Variants in SLC16A12 observed in about 807,000 individuals in gnomAD.
SLC16A12 encodes solute carrier family 16 member 12, also known as monocarboxylate transporter 12.
Under a neutral mutation model 42.4 loss-of-function variants are expected in SLC16A12, and 17 were observed. The observed-to-expected ratio is 0.40, with a 90% CI of 0.27 to 0.60. The LOEUF (loss-of-function observed/expected upper bound fraction) is 0.60, where lower values mean the gene tolerates loss of function less well. SLC16A12 is among the 20% of genes least tolerant of loss of function. The pLI, the probability that SLC16A12 is intolerant of heterozygous loss-of-function variation, is 0.42. For missense variants in SLC16A12, 544 were observed against 623.0 expected (o/e 0.87, Z 1.35); for synonymous variants, 224 against 229.4 (o/e 0.98, Z 0.21).
chr10:89,435,822 C>T (rs1293025660), intron 7 of SLC16A12, among the ~76,000 whole-genome samples: 1 of 152,038 alleles, frequency 6.6e-6, no homozygotes. Flanking sequence ...GAATCAAGAC[C>T]CTAATTTGGG....
At chr10:89,543,229 C>G (rs1017157773) in intron 2 of SLC16A12, among the ~76,000 whole-genome samples, 1 of 152,160 alleles carries the variant, frequency 6.6e-6, no homozygotes, top group East Asian at 1.9e-4. Context: ...ACTGGATAAT[C>G]TTTTTGACTT....
At chr10:89,519,842 C>T (rs1031133255) in intron 2 of SLC16A12, among the ~76,000 whole-genome samples, 6 of 152,060 alleles carry the variant, frequency 3.9e-5, no homozygotes, top group African/African-American at 9.7e-5. Context: ...AGGCCGGGTG[C>T]GGTGGCTCAT....
chr10:89,532,521 T>A (rs1336840801), intron 2 of SLC16A12, among the ~76,000 whole-genome samples: 1 of 152,224 alleles, frequency 6.6e-6, no homozygotes, highest in Non-Finnish European at 1.5e-5. Context: ...AATTATTATA[T>A]CATTTCAATG....
rs528501466 is a variant in SLC16A12 at position 89,434,559 on chromosome 10, AC to A, written c.1289-1234del. Among the ~76,000 whole-genome samples the A allele has an allele frequency of 8.2e-3, 1,249 of 152,344 alleles. 8 individuals carry two copies. The highest frequency in any genetic ancestry group is 0.017 in the Middle Eastern group (5 of 294). On this transcript the variant is annotated intron_variant, in intron 7 of 7. Transcript: ENST00000371790. ...TGTCATCTGCACCACTCAAGCGGCC[AC>A]AATTTCCCCTAGTTTGCTGTTTTTA...
intron 3 of SLC16A12, among the ~76,000 whole-genome samples, chr10:89,448,820 C>T (rs894996042): frequency 6.6e-6 from 1 of 152,116 alleles, no homozygotes; most frequent in African/African-American, 2.4e-5. Flanking sequence ...TCAAATTGTC[C>T]CTGTTTGCAG....
intron 4 of SLC16A12, among the ~76,000 whole-genome samples, chr10:89,443,108 C>G (rs1201780829): frequency 6.6e-6 from 1 of 152,168 alleles, no homozygotes; most frequent in Admixed American, 6.5e-5. Flanking sequence ...TTCTAGAACA[C>G]CCTACATACC....
At chr10:89,539,294 A>G (rs1363472653), upstream of SLC16A12, among the ~76,000 whole-genome samples, 3 of 152,174 alleles carry the variant, frequency 2.0e-5, no homozygotes, top group Non-Finnish European at 4.4e-5. Context: ...TGGTACCTCC[A>G]CATGCATTAA....
chr10:89,449,054 T>G (rs1589667512), intron 3 of SLC16A12, among the ~76,000 whole-genome samples: 1 of 152,160 alleles, frequency 6.6e-6, no homozygotes, highest in East Asian at 1.9e-4. Flanking sequence ...TTATAAGGGA[T>G]GTGAAGGACC....
chr10:89,448,891 T>C (rs1161037722), intron 3 of SLC16A12, among the ~76,000 whole-genome samples: 1 of 152,248 alleles, frequency 6.6e-6, no homozygotes, highest in Non-Finnish European at 1.5e-5. Flanking sequence ...CTTAAGCTGA[T>C]AAGCAACTTC....
chr10:89,446,403 G>C (rs1474136403), intron 3 of SLC16A12, among the ~76,000 whole-genome samples: 1 of 152,220 alleles, frequency 6.6e-6, no homozygotes. Flanking sequence ...ACTAACAGCA[G>C]ATCTCTTTGC....
intron 2 of SLC16A12, among the ~76,000 whole-genome samples, chr10:89,541,560 T>G (rs946500781): frequency 6.6e-6 from 1 of 152,198 alleles, no homozygotes; most frequent in Non-Finnish European, 1.5e-5. Context: ...GCACTCCAGC[T>G]TGGGCGACAG....
At chr10:89,482,643 G>A (rs1463591477) in intron 2 of SLC16A12, among the ~76,000 whole-genome samples, 1 of 151,992 alleles carries the variant, frequency 6.6e-6, no homozygotes, top group Non-Finnish European at 1.5e-5. Flanking sequence ...AAATTCCCAG[G>A]CACAGTGGCG....
intron 2 of SLC16A12, among the ~76,000 whole-genome samples, chr10:89,520,684 G>T (rs1032197801): frequency 7.3e-6 from 1 of 137,268 alleles, no homozygotes; most frequent in Non-Finnish European, 1.5e-5. Flanking sequence ...ACTGTCCAAG[G>T]CCCCATGTCA....
Position 89,462,473 on chromosome 10 carries a change from T to C in SLC16A12, c.106A>G (p.Arg36Gly). ...TCTGGAGGGGAGGTAGACCGAGCTC[T>C]ATTTACTTTTGCCATGGTTTTTCTT... Reference protein sequence around the residue: ...EKRKTMAKVNRARSTSPPDGG... With the variant: ...EKRKTMAKVNGARSTSPPDGG... Residue 36 changes from arginine (R) to glycine (G), a missense_variant, in exon 3 of 8, where the codon AGA (arginine) becomes GGA (glycine). Transcript: ENST00000371790. The C allele has an allele frequency of 6.2e-7, 1 of 1,614,080 alleles. No individual in the cohort carries two copies. The highest frequency in any genetic ancestry group is 8.5e-7 in the Non-Finnish European group (1 of 1,179,956).
intron 2 of SLC16A12, among the ~76,000 whole-genome samples, chr10:89,464,771 G>A (rs1289403544): frequency 1.3e-5 from 2 of 152,148 alleles, no homozygotes; most frequent in Non-Finnish European, 2.9e-5. Flanking sequence ...TACAGAGCAG[G>A]GGTAGTGAGG....
intron 5 of SLC16A12, 33 bp from the exon 6 acceptor site, chr10:89,439,216 G>C (rs1343986979): frequency 6.3e-7 from 1 of 1,589,418 alleles, no homozygotes; most frequent in Non-Finnish European, 8.6e-7. Context: ...GAGTGCTGAA[G>C]TACCATAAAC....
At chr10:89,519,332 G>A (rs1031195261) in intron 2 of SLC16A12, among the ~76,000 whole-genome samples, 2 of 151,814 alleles carry the variant, frequency 1.3e-5, no homozygotes. Context: ...ATTTACCCAC[G>A]GAACAAACCT....
intron 2 of SLC16A12, among the ~76,000 whole-genome samples, chr10:89,504,247 T>C (rs1319975813): frequency 1.3e-5 from 2 of 151,990 alleles, no homozygotes; most frequent in Non-Finnish European, 2.9e-5. Flanking sequence ...CAAAAAAAGC[T>C]CCCCAAAAGG....
rs1189408020 is a variant in SLC16A12, at chr10:89,508,909, T to A, written c.-47+25592A>T. Among the ~76,000 whole-genome samples the A allele has an allele frequency of 2.6e-5, 4 of 151,646 alleles. No individual in the cohort carries two copies. In the East Asian group the frequency reaches 7.8e-4, roughly 29 times the overall value. On this transcript the variant is annotated intron_variant, in intron 2 of 7. Transcript: ENST00000371790. The stretch of plus-strand genomic sequence containing the variant: ...TGATAAAGGGGATGTCACCACCAAT[T>A]TCTGTGTATTGTCATTACACAGAAA...
Sources: allele counts gnomAD v4.1 joint callset (sites outside exome capture counted in the v4.1 genomes callset), GRCh38; gene constraint gnomAD v4.1.1; transcripts MANE v1.5; gene names NCBI Gene and HGNC (gene_info 2026-07-23, HGNC 2026-07-21).